The following SEC22B variants were observed in gnomAD, a reference collection of about 807,000 sequenced individuals.
SEC22B encodes vesicle-trafficking protein SEC22b.
A neutral mutation model predicts 31.4 loss-of-function variants in SEC22B; 10 were observed. That is an observed-to-expected ratio of 0.32 (90% confidence interval 0.20 to 0.54). The LOEUF (loss-of-function observed/expected upper bound fraction) is 0.54, where lower values mean the gene tolerates loss of function less well. Among genes scored for constraint, SEC22B ranks in the 20% least tolerant of loss-of-function variants. The pLI is 0.94. For missense variants in SEC22B, 130 were observed against 263.4 expected (o/e 0.49, Z 3.50); for synonymous variants, 60 against 95.9 (o/e 0.63, Z 2.19).
chr1:120,160,466 G>A lies in SEC22B; in HGVS notation c.411C>T (p.Ser137=), dbSNP rs1657697656. The change falls in exon 4 of 5, where the codon TCC becomes TCT. Residue 137 remains serine (S), a synonymous_variant. Coordinates refer to ENST00000578049, the MANE Select transcript of SEC22B (RefSeq NM_004892.6). ...IDSRARRNLG[S]INTELQDVQR... is the part of the protein sequence containing the mutation. Reference sequence around the variant, plus strand: ...GCACATCTTGCAATTCAGTGTTGATGGAGCCTAGATTTCTTCGAGCACGAC... The same window carrying A: ...GCACATCTTGCAATTCAGTGTTGATAGAGCCTAGATTTCTTCGAGCACGAC... 1 of 1,611,330 alleles carries A rather than the reference G, an allele frequency of 6.2e-7. No individual in the cohort carries two copies. The highest frequency in any genetic ancestry group is 1.3e-5 in the African/African-American group (1 of 74,860).
chr1:120,164,250 G>T (rs1365413260), intron 2 of SEC22B, among the ~76,000 whole-genome samples: 1 of 146,432 alleles, frequency 6.8e-6, no homozygotes, highest in Non-Finnish European at 1.5e-5. Flanking sequence ...GTAAGCCACT[G>T]GACCCAGCCC....
Position 120,160,468 on chromosome 1 carries a change from A to T in SEC22B, c.409T>A (p.Ser137Thr). ...ACATCTTGCAATTCAGTGTTGATGG[A>T]GCCTAGATTTCTTCGAGCACGACTG... ...IDSRARRNLG[S>T]INTELQDVQR... The change falls in exon 4 of 5, where the codon TCC becomes ACC. Residue 137 changes from serine to threonine, a missense_variant. By Grantham distance (58) the Ser-to-Thr change is moderately conservative (BLOSUM62 1). Transcript: ENST00000578049. 1.2e-6 allele frequency: 2 copies of T among 1,611,332 alleles called. No individual in the cohort carries two copies. The highest frequency in any genetic ancestry group is 8.5e-7 in the Non-Finnish European group (1 of 1,178,336).
At chr1:120,157,285 A>C (rs1446899913) in intron 4 of SEC22B, 93 bp from the exon 5 acceptor site, 1 of 882,014 alleles carries the variant, frequency 1.1e-6, no homozygotes, top group East Asian at 2.8e-5. Context: ...GCACTGCAAC[A>C]ACCATGAATC....
rs1262474287 is a variant in SEC22B, at chr1:120,150,911, G to A, written c.*6127C>T. ...GGGACCGAGTTTGTGCAAACAAAAA[G>A]CGCAAAATAGAAGAGGCAGCATTGT... On this transcript the variant is annotated 3_prime_UTR_variant, in exon 5 of 5. Transcript: ENST00000578049. The A allele has an allele frequency of 5.3e-5, 8 of 152,166 alleles. No individual in the cohort carries two copies. The highest frequency in any genetic ancestry group is 1.2e-4 in the Non-Finnish European group (8 of 68,036). The allele number at this position is 152,166 out of a possible 1,614,324, so 9.4% of individuals were successfully genotyped here.
chr1:120,165,632 T>C (rs1300268628), intron 2 of SEC22B, among the ~76,000 whole-genome samples: 2 of 152,024 alleles, frequency 1.3e-5, no homozygotes, highest in African/African-American at 4.8e-5. Context: ...TTTTCTCCCA[T>C]TGTGCAAGTT....
Position 120,160,075 on chromosome 1 carries a change from C to T in SEC22B, c.493+309G>A, listed in dbSNP as rs1261400759. Among the ~76,000 whole-genome samples the T allele has an allele frequency of 9.1e-3, 1,264 of 138,440 alleles. 13 individuals carry two copies. Among genetic ancestry groups the T allele is most frequent in the Non-Finnish European group, 0.013 (781 of 62,220 alleles). The allele number at this position is 138,440 out of a possible 152,430, so 90.8% of individuals were successfully genotyped here. ...TACTCAAAAAACCACTGCAATACAT[C>T]ATTGAGTTTTCTCTCATTCATTTCC... On this transcript the variant is annotated intron_variant, in intron 4 of 4. Transcript: ENST00000578049.
In SEC22B at chr1:120,171,096, G is replaced by C. The variant is rs1485334067; in HGVS notation, c.76-2147C>G. Among the ~76,000 whole-genome samples, 12 of 131,198 alleles carry C rather than the reference G, an allele frequency of 9.1e-5. 2 individuals are homozygous for C. Among genetic ancestry groups the C allele is most frequent in the African/African-American group, 1.6e-4 (4 of 24,930 alleles). The allele number at this position is 131,198 out of a possible 152,430, so 86.1% of individuals were successfully genotyped here. A position where few individuals can be genotyped will look rare whatever the true frequency, so the allele number is the denominator to read the frequency against. Reference sequence around the variant, plus strand: ...CTTGGCTTCACAATAGAATCATTTGGGGAAATCTCAAAAACAAAACTACTT... The same window carrying C: ...CTTGGCTTCACAATAGAATCATTTGCGGAAATCTCAAAAACAAAACTACTT... On this transcript the variant is annotated intron_variant, in intron 1 of 4. Coordinates refer to ENST00000578049, the MANE Select transcript of SEC22B (RefSeq NM_004892.6).
chr1:120,166,938 G>GA (rs1657822516), intron 2 of SEC22B, among the ~76,000 whole-genome samples: 1 of 82,042 alleles, frequency 1.2e-5, no homozygotes. Flanking sequence ...AAATAAAAGG[G>GA]AAAAATTTAA....
rs1657965163 is a variant in SEC22B, at chr1:120,176,377, A to G, written c.5T>C (p.Val2Ala). The G allele has an allele frequency of 1.9e-6, 3 of 1,613,650 alleles. No homozygotes were observed. Among genetic ancestry groups the G allele is most frequent in the East Asian group, 2.2e-5 (1 of 44,888 alleles). M[V>A]LLTMIARVAD... is the part of the protein sequence containing the mutation. ...CACTCGGGCGATCATTGTTAGCAACACCATCTTCACAAACTACAGGGATCC... is the reference window on the plus strand; with the variant it reads ...CACTCGGGCGATCATTGTTAGCAACGCCATCTTCACAAACTACAGGGATCC... Residue 2 changes from valine (V) to alanine (A), a missense_variant, in exon 1 of 5, where the codon GTG (valine) becomes GCG (alanine). This residue lies in a region of SEC22B where 32 missense variants were observed against 26.3 expected (regional missense o/e 1.22). Coordinates refer to ENST00000578049, the MANE Select transcript of SEC22B (RefSeq NM_004892.6).
intron 2 of SEC22B, among the ~76,000 whole-genome samples, chr1:120,164,731 T>C (rs1657779625): frequency 6.6e-6 from 1 of 152,230 alleles, no homozygotes; most frequent in African/African-American, 2.4e-5. Flanking sequence ...AATATGCAAG[T>C]GCATGATTTT....
intron 2 of SEC22B, among the ~76,000 whole-genome samples, chr1:120,165,381 G>A (rs1449300990): frequency 7.9e-5 from 12 of 152,104 alleles, no homozygotes; most frequent in Non-Finnish European, 1.8e-4. Flanking sequence ...TTGTGATGAT[G>A]AGCGCCCATG....
chr1:120,176,271 A>G lies in SEC22B; in HGVS notation c.75+36T>C. 1.9e-6 allele frequency: 3 copies of G among 1,595,738 alleles called. No individual in the cohort carries two copies. The South Asian group carries it at 3.3e-5, about 18-fold the overall frequency. ...TGCTGAGGGCAAAGCGCGCTGACAG[A>G]GACTTGGGGTCGCGGGTCGTGAGTA... On this transcript the variant is annotated intron_variant, in intron 1 of 4. Coordinates refer to ENST00000578049, the MANE Select transcript of SEC22B (RefSeq NM_004892.6).
At chr1:120,160,725 T>C (rs1218431214) in intron 3 of SEC22B, among the ~76,000 whole-genome samples, 195 bp from the exon 4 acceptor site, 1 of 151,858 alleles carries the variant, frequency 6.6e-6, no homozygotes, top group Non-Finnish European at 1.5e-5. Context: ...CCGTCTCTAC[T>C]AAAAATATAA....
At chr1:120,169,730 C>T (rs1416804557) in intron 1 of SEC22B, among the ~76,000 whole-genome samples, 1 of 146,244 alleles carries the variant, frequency 6.8e-6, no homozygotes, top group Non-Finnish European at 1.5e-5. Flanking sequence ...AACCATGCAT[C>T]TCCAATCTAC....
chr1:120,176,146 C>T (rs749331144), intron 1 of SEC22B, 161 bp downstream of exon 1: 15 of 175,284 alleles, frequency 8.6e-5, no homozygotes, highest in Non-Finnish European at 1.7e-4. Flanking sequence ...TTCCTCTTCG[C>T]CGGTAGTCTC....
chr1:120,159,675 G>C (rs1318232944), intron 4 of SEC22B, among the ~76,000 whole-genome samples: 2 of 152,024 alleles, frequency 1.3e-5, no homozygotes, highest in Non-Finnish European at 2.9e-5. Flanking sequence ...AAGTACAGAA[G>C]AGATTAATGT....
Position 120,156,910 on chromosome 1 carries a change from T to C in SEC22B, c.*128A>G. The C allele has an allele frequency of 1.8e-6, 1 of 555,580 alleles. No homozygotes were observed. Among genetic ancestry groups the C allele is most frequent in the Middle Eastern group, 5.0e-4 (1 of 2,002 alleles). 34.4% of individuals were successfully genotyped at this position (555,580 alleles called of 1,614,324 possible). The stretch of plus-strand genomic sequence containing the variant: ...CCTTTCATTTTCAGGGCATCTCTTT[T>C]CTTGCAAGGTCTTTAGAGGCAGAAG... On this transcript the variant is annotated 3_prime_UTR_variant, in exon 5 of 5. Transcript: ENST00000578049.
Position 120,154,126 on chromosome 1 carries a change from C to T in SEC22B, c.*2912G>A, listed in dbSNP as rs1310078911. 1 of 151,984 alleles carries T rather than the reference C, an allele frequency of 6.6e-6. No homozygotes were observed. Among genetic ancestry groups the T allele is most frequent in the Non-Finnish European group, 1.5e-5 (1 of 67,952 alleles). The allele number at this position is 151,984 out of a possible 1,614,324, so 9.4% of individuals were successfully genotyped here. A position where few individuals can be genotyped will look rare whatever the true frequency, so the allele number is the denominator to read the frequency against. ...CATATGGCAATCTGGCTTCTGTCTC[C>T]AGTGCTCTGGAATTACTTCTGCCTG... On this transcript the variant is annotated 3_prime_UTR_variant, in exon 5 of 5. Coordinates refer to ENST00000578049, the MANE Select transcript of SEC22B (RefSeq NM_004892.6).
Position 120,163,230 on chromosome 1 carries a change from G to C in SEC22B, c.326C>G (p.Pro109Arg). Residue 109 changes from proline (P) to arginine (R), a missense_variant, in exon 3 of 5, where the codon CCC (proline) becomes CGC (arginine). Transcript: ENST00000578049. Reference protein sequence around the residue: ...HGKKVPTVSRPYSFIEFDTFI... With the variant: ...HGKKVPTVSRRYSFIEFDTFI... ...CTTACCAAATTCAATAAAGGAATAGGGTCGGGACACAGTGGGCACCTTCTT... is the reference window on the plus strand; with the variant it reads ...CTTACCAAATTCAATAAAGGAATAGCGTCGGGACACAGTGGGCACCTTCTT... The C allele has an allele frequency of 6.3e-7, 1 of 1,578,764 alleles. No individual in the cohort carries two copies. The highest frequency in any genetic ancestry group is 8.6e-7 in the Non-Finnish European group (1 of 1,157,322).
Sources: allele counts gnomAD v4.1 joint callset (sites outside exome capture counted in the v4.1 genomes callset), GRCh38; gene constraint gnomAD v4.1.1; regional missense constraint gnomAD v4.1.1; transcripts MANE v1.5; gene names NCBI Gene and HGNC (gene_info 2026-07-23, HGNC 2026-07-21).